CFAP46: variants seen among roughly 807,000 people sequenced by gnomAD.
CFAP46 encodes the protein cilia- and flagella-associated protein 46.
CFAP46 carries 245 observed loss-of-function variants against 325.7 expected under a neutral mutation model. The ratio of observed to expected loss-of-function variants is 0.75; its 90% confidence interval spans 0.68 to 0.84. The LOEUF is 0.84. Ranked by LOEUF, CFAP46 falls within the 40% of genes least tolerant of loss-of-function variation. The pLI is 0.00. For synonymous variants in CFAP46, 1,523 were observed against 1,495.9 expected, an observed-to-expected ratio of 1.02 and a Z score of -0.42; for missense variants, 3,346 against 3,543.0, an observed-to-expected ratio of 0.94 and a Z score of 1.41.
At chr10:132,938,978 G>A (rs74919432) in intron 4 of CFAP46, among the ~76,000 whole-genome samples, 6,938 of 152,280 alleles carry the variant, frequency 0.046, 190 homozygotes, top group South Asian at 0.086. Context: ...CGTCCGACGT[G>A]CCATGGCTCC....
At chr10:132,842,038 G>A (rs1031489680) in intron 44 of CFAP46, among the ~76,000 whole-genome samples, 9 of 152,206 alleles carry the variant, frequency 5.9e-5, no homozygotes, top group African/African-American at 2.2e-4. Context: ...CCTCTCCTGG[G>A]CACACCTTTC....
At chr10:132,857,120 G>A (rs1206771406) in intron 39 of CFAP46, among the ~76,000 whole-genome samples, 1 of 152,228 alleles carries the variant, frequency 6.6e-6, no homozygotes, top group Admixed American at 6.5e-5. Flanking sequence ...ACCCTTTTGG[G>A]TGGGTTCTTC....
intron 50 of CFAP46, among the ~76,000 whole-genome samples, chr10:132,815,158 G>A (rs1461829791): frequency 1.3e-5 from 2 of 152,194 alleles, no homozygotes; most frequent in African/African-American, 4.8e-5. Flanking sequence ...AGGCCCACCT[G>A]GCTGACCATT....
chr10:132,898,918 G>A (rs1253538083), intron 24 of CFAP46, 41 bp downstream of exon 24: 1 of 1,547,926 alleles, frequency 6.5e-7, no homozygotes, highest in South Asian at 1.2e-5. Context: ...CCCACTAGAG[G>A]CCTCAGTGGG....
intron 17 of CFAP46, among the ~76,000 whole-genome samples, chr10:132,913,795 G>A (rs1849592548): frequency 6.7e-6 from 1 of 148,626 alleles, no homozygotes; most frequent in African/African-American, 2.5e-5. Context: ...GGGCTCCTGT[G>A]GGGGCTGCAT....
chr10:132,920,577 C>T (rs962387826), intron 13 of CFAP46, among the ~76,000 whole-genome samples: 2 of 152,242 alleles, frequency 1.3e-5, no homozygotes, highest in Admixed American at 6.5e-5. Context: ...ATCCGCATGA[C>T]GCCAGATGTT....
At position 132,876,585 on chromosome 10, in the gene CFAP46, G is replaced by A. The variant is rs1468982960; in HGVS notation, c.4362+227C>T. ...ATGAACACCTGTCCTGTCTCACTAG[G>A]TACGTGTTGGACTTGAGTGGGGAAA... On this transcript the variant is annotated intron_variant, in intron 31 of 57. Coordinates refer to ENST00000368586, the MANE Select transcript of CFAP46 (RefSeq NM_001200049.3). This position sits in a 1 kb window ranked among gnomAD's most constrained non-coding sequence, Gnocchi z 4.1. 6.6e-6 allele frequency among the ~76,000 whole-genome samples: 1 copy of A among 152,186 alleles called. No individual in the cohort carries two copies. Among genetic ancestry groups the A allele is most frequent in the Admixed American group, 6.5e-5 (1 of 15,284 alleles).
At chr10:132,910,448 G>A (rs551105484) in intron 19 of CFAP46, among the ~76,000 whole-genome samples, 2 of 152,374 alleles carry the variant, frequency 1.3e-5, no homozygotes, top group East Asian at 3.9e-4. Flanking sequence ...AATCTGCCAC[G>A]TGCTTTGCCT....
intron 57 of CFAP46, among the ~76,000 whole-genome samples, chr10:132,809,531 T>C (rs960044188): frequency 3.3e-5 from 5 of 152,216 alleles, no homozygotes; most frequent in Admixed American, 3.3e-4. Flanking sequence ...CCCCGGACCG[T>C]GGACCACGTG....
At chr10:132,920,273 G>A (rs1239533855) in intron 13 of CFAP46, 91 bp from the exon 14 acceptor site, 47 of 1,410,114 alleles carry the variant, frequency 3.3e-5, no homozygotes, top group Middle Eastern at 2.6e-4. Flanking sequence ...CGCCGGCGCC[G>A]GGGTGGCCAC....
intron 22 of CFAP46, among the ~76,000 whole-genome samples, chr10:132,902,709 T>C (rs959834669): frequency 3.9e-5 from 6 of 152,252 alleles, no homozygotes; most frequent in Admixed American, 6.5e-5. Context: ...TTTCTTACTT[T>C]ATGCTGGACG....
intron 29 of CFAP46, among the ~76,000 whole-genome samples, chr10:132,879,097 G>C (rs1208432017): frequency 6.6e-6 from 1 of 152,228 alleles, no homozygotes; most frequent in Non-Finnish European, 1.5e-5. Context: ...GTGGTGGTCT[G>C]CAAGGGTGCC....
chr10:132,932,793 A>G (rs1238020820), intron 8 of CFAP46, among the ~76,000 whole-genome samples: 1 of 152,260 alleles, frequency 6.6e-6, no homozygotes, highest in African/African-American at 2.4e-5. Flanking sequence ...CAACTTCAAG[A>G]AAGAGCACAG....
intron 50 of CFAP46, among the ~76,000 whole-genome samples, chr10:132,816,332 T>C (rs1847693238): frequency 6.9e-6 from 1 of 144,888 alleles, no homozygotes; most frequent in Non-Finnish European, 1.5e-5. Flanking sequence ...CTTCTTCTTT[T>C]TTTTTTTTTT....
At chr10:132,840,490 T>C (rs931208747) in intron 44 of CFAP46, among the ~76,000 whole-genome samples, 4 of 152,226 alleles carry the variant, frequency 2.6e-5, no homozygotes, top group Admixed American at 2.6e-4. Flanking sequence ...TGTAATTTAT[T>C]GTTGTTGTCC....
intron 56 of CFAP46, 39 bp from the exon 57 acceptor site, chr10:132,810,528 C>T: frequency 6.3e-7 from 1 of 1,589,054 alleles, no homozygotes; most frequent in Admixed American, 1.7e-5. Context: ...CATGGACACC[C>T]TGGCAGCCTT....
intron 56 of CFAP46, 179 bp from the exon 57 acceptor site, chr10:132,810,668 A>G (rs1336775541): frequency 2.7e-6 from 2 of 738,308 alleles, no homozygotes; most frequent in Admixed American, 4.0e-5. Context: ...GACGCCCACC[A>G]GGCTCAGCAG....
intron 5 of CFAP46, among the ~76,000 whole-genome samples, chr10:132,938,137 G>A (rs760306858): frequency 2.5e-4 from 38 of 152,200 alleles, no homozygotes; most frequent in Middle Eastern, 3.2e-3. Context: ...CAGCCTGTGC[G>A]GTGACCCCTC....
At chr10:132,879,223 G>A (rs7093798) in intron 29 of CFAP46, among the ~76,000 whole-genome samples, 5,469 of 152,252 alleles carry the variant, frequency 0.036, 333 homozygotes, top group African/African-American at 0.12. Context: ...TGTTTTGGGG[G>A]AGTCTCTTGT....
Sources: allele counts gnomAD v4.1 joint callset (sites outside exome capture counted in the v4.1 genomes callset), GRCh38; gene constraint gnomAD v4.1.1; non-coding constraint Gnocchi (gnomAD v3.1); transcripts MANE v1.5; gene names NCBI Gene and HGNC (gene_info 2026-07-23, HGNC 2026-07-21).